Variants in ZNF609 observed in about 807,000 individuals in gnomAD.
ZNF609 encodes zinc finger protein 609.
In ZNF609, 11 loss-of-function variants were observed where a neutral mutation model predicts 109.5. That is an observed-to-expected ratio of 0.10 (90% CI 0.06 to 0.17). The LOEUF (loss-of-function observed/expected upper bound fraction) is 0.17, where lower values mean the gene tolerates loss of function less well. Among genes scored for constraint, ZNF609 ranks in the 10% least tolerant of loss-of-function variants. The pLI, the probability that ZNF609 is intolerant of heterozygous loss-of-function variation, is 1.00. For synonymous variants in ZNF609, 646 were observed against 662.0 expected, an observed-to-expected ratio of 0.98 and a Z score of 0.37; for missense variants, 1,559 against 1,772.4, an observed-to-expected ratio of 0.88 and a Z score of 2.16.
chr15:64,575,250 C>T (rs1248202826), intron 2 of ZNF609, among the ~76,000 whole-genome samples: 2 of 152,030 alleles, frequency 1.3e-5, no homozygotes, highest in African/African-American at 4.8e-5. Flanking sequence ...CATGGAGAAA[C>T]CCCGTCTCTA....
In ZNF609 at chr15:64,602,889, A is replaced by ATTTTTT. The variant is rs10600562; in HGVS notation, c.748-19914_748-19909dup. On this transcript the variant is annotated intron_variant, in intron 2 of 9. Transcript: ENST00000326648. ...AGGTGCCTGCCACCACTCTGGGCTA[A>ATTTTTT]TTTTTTTTTTTTTTTTTTTTTTTTT... is the stretch of plus-strand genomic sequence containing the variant. Among the ~76,000 whole-genome samples, 82 of 75,170 alleles carry ATTTTTT rather than the reference A, an allele frequency of 1.1e-3. 2 individuals are homozygous for ATTTTTT. The highest frequency in any genetic ancestry group is 2.5e-3 in the African/African-American group (44 of 17,820). The allele number at this position is 75,170 out of a possible 152,430, so 49.3% of individuals were successfully genotyped here. A position where few individuals can be genotyped will look rare whatever the true frequency, so the allele number is the denominator to read the frequency against.
chr15:64,486,909 A>G (rs1232208312), intron 1 of ZNF609, among the ~76,000 whole-genome samples: 2 of 151,900 alleles, frequency 1.3e-5, no homozygotes, highest in Admixed American at 1.3e-4. Context: ...CTTTACTCCC[A>G]TTTTTCTAAA....
rs1164828407 is a variant in ZNF609, at chr15:64,675,347, T to A, written c.2493T>A (p.Asn831Lys). 7 of 1,613,880 alleles carry A rather than the reference T, an allele frequency of 4.3e-6. No homozygotes were observed. The highest frequency in any genetic ancestry group is 5.9e-6 in the Non-Finnish European group (7 of 1,179,922). ...CTCCCTTACATGTGGTGACCCAGAA[T>A]GGAGCTGAAGCCAGCTCAGTCAAAA... is the stretch of plus-strand genomic sequence containing the variant. ...PLTPLHVVTQ[N>K]GAEASSVKTN... is the part of the protein sequence containing the mutation. The change falls in exon 5 of 10, where the codon AAT becomes AAA. Residue 831 changes from asparagine (N) to lysine (K), a missense_variant. Transcript: ENST00000326648.
chr15:64,643,500 T>C (rs906656662), intron 3 of ZNF609, among the ~76,000 whole-genome samples: 9 of 152,138 alleles, frequency 5.9e-5, no homozygotes, highest in Admixed American at 2.0e-4. Context: ...AGGAACTACA[T>C]AGACACCATT....
At chr15:64,528,718 G>A (rs1894009003) in intron 2 of ZNF609, 1 of 1,132,208 alleles carries the variant, frequency 8.8e-7, no homozygotes, top group Admixed American at 1.7e-5. Flanking sequence ...TGTTGCTGTA[G>A]CCAAATTCAT....
At chr15:64,530,068 G>A (rs1434082358) in intron 2 of ZNF609, among the ~76,000 whole-genome samples, 1 of 151,910 alleles carries the variant, frequency 6.6e-6, no homozygotes, top group African/African-American at 2.4e-5. Flanking sequence ...TGTCTGGAGT[G>A]CAGTGGTGTG....
At chr15:64,541,839 C>CAAAAA (rs59597800) in intron 2 of ZNF609, among the ~76,000 whole-genome samples, 16 of 42,122 alleles carry the variant, frequency 3.8e-4, no homozygotes, top group South Asian at 9.6e-4. Flanking sequence ...GACTCCAACT[C>CAAAAA]AAAAAAAAAA....
At chr15:64,635,179 A>G (rs1729590478) in intron 3 of ZNF609, among the ~76,000 whole-genome samples, 1 of 152,212 alleles carries the variant, frequency 6.6e-6, no homozygotes, top group Admixed American at 6.5e-5. Flanking sequence ...TATATAGGTG[A>G]CTAGGCTGTG....
chr15:64,629,261 C>T (rs996414803), intron 3 of ZNF609, among the ~76,000 whole-genome samples: 2 of 152,168 alleles, frequency 1.3e-5, no homozygotes, highest in African/African-American at 4.8e-5. Flanking sequence ...GTGCCCTGCT[C>T]CCTTTCCCAC....
At chr15:64,602,406 G>C (rs1049861872) in intron 2 of ZNF609, among the ~76,000 whole-genome samples, 5 of 152,096 alleles carry the variant, frequency 3.3e-5, no homozygotes, top group African/African-American at 9.7e-5. Context: ...TTAAAAGCAG[G>C]TTACTAGTAG....
chr15:64,666,607 G>T (rs1187339332), intron 3 of ZNF609, among the ~76,000 whole-genome samples: 1 of 151,826 alleles, frequency 6.6e-6, no homozygotes. Context: ...CACCTCCTGG[G>T]TTCAAGCAGT....
chr15:64,580,623 C>G (rs1447487159), intron 2 of ZNF609, among the ~76,000 whole-genome samples: 1 of 150,318 alleles, frequency 6.7e-6, no homozygotes, highest in African/African-American at 2.4e-5. Flanking sequence ...CAGTCTGCAA[C>G]CTCTGCCTCC....
rs1345156098 is a variant in ZNF609, at chr15:64,475,263, A to C, written c.-128+14425A>C. On this transcript the variant is annotated intron_variant, in intron 1 of 9. Transcript: ENST00000326648. ...TAACCATTCCTTCAACTTAGCAAAAAAATTTCCTTCCTGAAGCCTTTCTTA... is the reference window on the plus strand; with the variant it reads ...TAACCATTCCTTCAACTTAGCAAAACAATTTCCTTCCTGAAGCCTTTCTTA... 2.6e-5 allele frequency among the ~76,000 whole-genome samples: 4 copies of C among 151,648 alleles called. No individual in the cohort carries two copies. In the South Asian group the frequency reaches 8.3e-4, roughly 32 times the overall value.
intron 4 of ZNF609, among the ~76,000 whole-genome samples, chr15:64,670,892 A>AAG (rs2141011784): frequency 6.7e-6 from 1 of 149,928 alleles, no homozygotes; most frequent in African/African-American, 2.5e-5. Flanking sequence ...AAAAAAAAAA[A>AAG]AAAAGAAGAT....
At chr15:64,576,400 T>C (rs1894953371) in intron 2 of ZNF609, among the ~76,000 whole-genome samples, 1 of 152,104 alleles carries the variant, frequency 6.6e-6, no homozygotes, top group South Asian at 2.1e-4. Flanking sequence ...AGTCATGTGC[T>C]TCTTAGTTAT....
chr15:64,652,388 ATT>A (rs35371824), intron 3 of ZNF609, among the ~76,000 whole-genome samples: 11 of 136,462 alleles, frequency 8.1e-5, no homozygotes, highest in Non-Finnish European at 9.2e-5. Flanking sequence ...TGCCTGGCTA[ATT>A]TTTTTTTTTT....
At position 64,674,923 on chromosome 15, in the gene ZNF609, CA is replaced by C. The variant is rs1192922580; in HGVS notation, c.2070del (p.Val691TrpfsTer31). On this transcript the variant is annotated frameshift_variant, in exon 5 of 10. Transcript: ENST00000326648. LOFTEE classifies it high-confidence loss of function. ...SPGSSSGLTA[T>X]VAQAMPNSPQ... The stretch of plus-strand genomic sequence containing the variant: ...GGCTCTTCCTCAGGCTTGACCGCCA[CA>C]GTGGCACAAGCCATGCCCAACAGTC... 1 of 1,613,940 alleles carries C rather than the reference CA, an allele frequency of 6.2e-7. No homozygotes were observed. The highest frequency in any genetic ancestry group is 1.3e-5 in the African/African-American group (1 of 74,902).
chr15:64,666,112 A>G (rs999149352), intron 3 of ZNF609, among the ~76,000 whole-genome samples: 2 of 151,470 alleles, frequency 1.3e-5, no homozygotes, highest in African/African-American at 4.8e-5. Context: ...AATAAAAATA[A>G]AAGTGATTGG....
intron 2 of ZNF609, among the ~76,000 whole-genome samples, chr15:64,582,850 C>T (rs1467213708): frequency 1.4e-5 from 2 of 139,930 alleles, no homozygotes; most frequent in Non-Finnish European, 3.0e-5. Context: ...CTCCCAGGTT[C>T]ATGCCATTCT....
Sources: gnomAD v4.1 joint callset for allele counts (sites outside exome capture counted in the v4.1 genomes callset) on GRCh38, gnomAD v4.1.1 for gene constraint, MANE v1.5 for transcripts, NCBI Gene and HGNC (gene_info 2026-07-23, HGNC 2026-07-21) for gene names.